Variants in AAGAB observed in about 807,000 individuals in gnomAD.
AAGAB encodes alpha- and gamma-adaptin-binding protein p34.
A neutral mutation model predicts 44.1 loss-of-function variants in AAGAB; 38 were observed. The observed-to-expected ratio is 0.86, with a 90% CI of 0.67 to 1.13. The LOEUF (loss-of-function observed/expected upper bound fraction) is 1.13, where lower values mean the gene tolerates loss of function less well. Among genes scored for constraint, AAGAB ranks in the 50% most tolerant of loss-of-function variants. AAGAB has a pLI of 0.00. For missense variants in AAGAB, 450 were observed against 373.8 expected (o/e 1.20, Z -1.68); for synonymous variants, 131 against 131.8 (o/e 0.99, Z 0.04).
At chr15:67,251,095 C>T (rs1316127394) in intron 1 of AAGAB, among the ~76,000 whole-genome samples, 1 of 152,162 alleles carries the variant, frequency 6.6e-6, no homozygotes, top group Non-Finnish European at 1.5e-5. Flanking sequence ...TATCCGATGT[C>T]AGACATCCAC....
chr15:67,224,505 C>A (rs779147349), intron 5 of AAGAB, among the ~76,000 whole-genome samples: 2 of 152,148 alleles, frequency 1.3e-5, no homozygotes, highest in African/African-American at 2.4e-5. Flanking sequence ...TTTCACCTTT[C>A]CCTATAGATG....
intron 5 of AAGAB, among the ~76,000 whole-genome samples, chr15:67,209,995 A>T (rs549993549): frequency 1.5e-4 from 23 of 152,196 alleles, no homozygotes; most frequent in Non-Finnish European, 2.1e-4. Context: ...TACATTTTTT[A>T]AAAAAATCAC....
chr15:67,218,957 C>T (rs1422957660), intron 5 of AAGAB, among the ~76,000 whole-genome samples: 2 of 152,102 alleles, frequency 1.3e-5, no homozygotes, highest in Non-Finnish European at 2.9e-5. Flanking sequence ...ATCTAAAAAG[C>T]GCCACCCAAA....
chr15:67,249,384 T>C (rs557456215), intron 1 of AAGAB, among the ~76,000 whole-genome samples: 1 of 152,252 alleles, frequency 6.6e-6, no homozygotes, highest in East Asian at 1.9e-4. Flanking sequence ...TGATCTCAAA[T>C]AACCCTTTAT....
chr15:67,207,063 G>A (rs1963701170), intron 7 of AAGAB, among the ~76,000 whole-genome samples: 1 of 152,230 alleles, frequency 6.6e-6, no homozygotes, highest in Admixed American at 6.5e-5. Flanking sequence ...GGTGGCACAT[G>A]CCTGTAATCC....
At chr15:67,234,161 G>A (rs12899067) in intron 4 of AAGAB, among the ~76,000 whole-genome samples, 31,601 of 151,754 alleles carry the variant, frequency 0.21, 4,019 homozygotes, top group East Asian at 0.47. Context: ...GCTGAGGCAG[G>A]AGAATGGCGT....
chr15:67,223,234 T>C (rs138828152), intron 5 of AAGAB, among the ~76,000 whole-genome samples: 189 of 152,266 alleles, frequency 1.2e-3, no homozygotes, highest in African/African-American at 4.3e-3. Context: ...TTTAAATGCC[T>C]TTCTCCCCAA....
intron 5 of AAGAB, among the ~76,000 whole-genome samples, chr15:67,222,242 G>GTGCACACACACA (rs1555417888): frequency 1.1e-5 from 1 of 90,044 alleles, no homozygotes; most frequent in Non-Finnish European, 2.3e-5. Context: ...GCGCGCGCGC[G>GTGCACACACACA]CACACACACA....
chr15:67,254,761 C>G (rs894664153), upstream of AAGAB: 1 of 1,322,358 alleles, frequency 7.6e-7, no homozygotes. Context: ...GACCCCGCCC[C>G]TAGACCCCCT....
intron 1 of AAGAB, among the ~76,000 whole-genome samples, chr15:67,244,522 GC>G (rs958197082): frequency 2.6e-5 from 4 of 152,250 alleles, no homozygotes; most frequent in Admixed American, 2.6e-4. Flanking sequence ...GCAAAAAAGA[GC>G]CAGGCACGGT....
rs529169337 is a variant in AAGAB at position 67,249,288 on chromosome 15, G to A, written c.73+5271C>T. Among the ~76,000 whole-genome samples the A allele has an allele frequency of 2.6e-5, 4 of 152,236 alleles. No individual in the cohort carries two copies. In the South Asian group the frequency reaches 8.3e-4, roughly 32 times the overall value. ...GACCTCAGGTGATCAGCCCCCCTCG[G>A]ACTCCCAAAGTGCTGGGATTACAGG... On this transcript the variant is annotated intron_variant, in intron 1 of 9. Transcript: ENST00000261880.
intron 1 of AAGAB, among the ~76,000 whole-genome samples, chr15:67,251,673 T>C (rs1051163503): frequency 4.6e-5 from 7 of 152,246 alleles, no homozygotes; most frequent in Non-Finnish European, 8.8e-5. Flanking sequence ...TAAAGGTTTC[T>C]CTCGCTGATA....
At chr15:67,226,273 C>T (rs1412018761) in intron 5 of AAGAB, among the ~76,000 whole-genome samples, 1 of 152,024 alleles carries the variant, frequency 6.6e-6, no homozygotes, top group Admixed American at 6.6e-5. Context: ...GCTGGGACTA[C>T]AGGTCCGGTT....
In AAGAB at chr15:67,202,571, CA is replaced by C. The variant is rs990467082; in HGVS notation, c.*249del. On this transcript the variant is annotated 3_prime_UTR_variant, in exon 10 of 10. Transcript: ENST00000261880. ...ATTTATCCTACCCTCATTCCTAGAACAAAAAAAAAGTATATTTAAGAAATCC... is the reference window on the plus strand; with the variant it reads ...ATTTATCCTACCCTCATTCCTAGAACAAAAAAAAGTATATTTAAGAAATCC... 1.8e-3 allele frequency: 799 copies of C among 451,736 alleles called. No homozygotes were observed. The highest frequency in any genetic ancestry group is 3.6e-3 in the South Asian group (96 of 27,008). 28.0% of individuals were successfully genotyped at this position (451,736 alleles called of 1,614,324 possible).
intron 5 of AAGAB, among the ~76,000 whole-genome samples, chr15:67,228,329 C>T (rs1338893292): frequency 1.3e-5 from 2 of 152,158 alleles, no homozygotes; most frequent in Non-Finnish European, 2.9e-5. Context: ...TTATAGCCTT[C>T]CTATGGTAAA....
At chr15:67,209,163 A>T (rs914657144) in intron 6 of AAGAB, among the ~76,000 whole-genome samples, 13 of 152,222 alleles carry the variant, frequency 8.5e-5, no homozygotes, top group African/African-American at 2.7e-4. Context: ...CACAGGAAGT[A>T]CTAAAAAAGC....
intron 5 of AAGAB, among the ~76,000 whole-genome samples, chr15:67,218,813 T>C (rs1395787581): frequency 1.3e-5 from 2 of 152,234 alleles, no homozygotes; most frequent in East Asian, 1.9e-4. Flanking sequence ...CAGACTCTGA[T>C]AGGACTGTGG....
chr15:67,254,470 G>A (rs990535236), intron 1 of AAGAB, 89 bp downstream of exon 1: 2 of 1,484,222 alleles, frequency 1.3e-6, no homozygotes, highest in Non-Finnish European at 1.8e-6. Flanking sequence ...CCGCTGCGGG[G>A]ACAAGGCCCA....
chr15:67,232,585 T>C, intron 4 of AAGAB: 1 of 418,308 alleles, frequency 2.4e-6, no homozygotes, highest in Admixed American at 2.2e-5. Flanking sequence ...GTAGCCAAAA[T>C]GTACAAGACC....
Sources: allele counts gnomAD v4.1 joint callset (sites outside exome capture counted in the v4.1 genomes callset), GRCh38; gene constraint gnomAD v4.1.1; transcripts MANE v1.5; gene names NCBI Gene and HGNC (gene_info 2026-07-23, HGNC 2026-07-21).